The following ABHD17A variants were observed in gnomAD, a reference collection of about 807,000 sequenced individuals.
ABHD17A encodes alpha/beta hydrolase domain-containing protein 17A.
ABHD17A carries 10 observed loss-of-function variants against 26.8 expected under a neutral mutation model. The observed-to-expected ratio is 0.37, with a 90% CI of 0.23 to 0.63. ABHD17A has a LOEUF of 0.63. ABHD17A is among the 30% of genes least tolerant of loss of function. The pLI is 0.61. For missense variants in ABHD17A, 292 were observed against 457.3 expected (o/e 0.64, Z 3.30); for synonymous variants, 167 against 210.9 (o/e 0.79, Z 1.80).
intron 2 of ABHD17A, 160 bp downstream of exon 2, chr19:1,881,075 G>A (rs764136761): frequency 3.1e-5 from 50 of 1,590,786 alleles, no homozygotes; most frequent in Middle Eastern, 1.7e-4. Context: ...CCAGAGGGAC[G>A]AGGCCGGCCT....
Position 1,876,867 on chromosome 19 carries a change from C to T in ABHD17A, c.*333G>A. 2.8e-6 allele frequency: 1 copy of T among 361,050 alleles called. No homozygotes were observed. Among genetic ancestry groups the T allele is most frequent in the Non-Finnish European group, 5.1e-6 (1 of 195,938 alleles). The allele number at this position is 361,050 out of a possible 1,614,324, so 22.4% of individuals were successfully genotyped here. A position where few individuals can be genotyped will look rare whatever the true frequency, so the allele number is the denominator to read the frequency against. ...GTAAAACCTATAAGGGGGTCCGTGC[C>T]GATCTCTCCTAGGGACTCAGGGACG... On this transcript the variant is annotated 3_prime_UTR_variant, in exon 5 of 5. Transcript: ENST00000292577.
At chr19:1,882,615 G>A (rs1163341011) in intron 1 of ABHD17A, 2 of 152,212 alleles carry the variant, frequency 1.3e-5, no homozygotes, top group Admixed American at 6.5e-5. Flanking sequence ...GGGGGGAGGG[G>A]AACGAAGGTG....
Position 1,877,274 on chromosome 19 carries a change from T to A in ABHD17A, c.859A>T (p.Ile287Phe). ...LWVEGAGHND[I>F]ELYSQYLERL... ...TCCAGGTACTGGCTGTAGAGCTCGA[T>A]GTCGTTGTGCCCGGCGCCCTCCACC... Residue 287 changes from isoleucine (I) to phenylalanine (F), a missense_variant, in exon 5 of 5, where the codon ATC (isoleucine) becomes TTC (phenylalanine). Physicochemically the swap from Ile to Phe is conservative, Grantham distance 21. Around this residue, in one of 4 missense-constraint regions of ABHD17A, gnomAD observed 88 missense variants for 134.3 expected, o/e 0.66. Coordinates refer to ENST00000292577, the MANE Select transcript of ABHD17A (RefSeq NM_001130111.2). 3 of 1,540,510 alleles carry A rather than the reference T, an allele frequency of 1.9e-6. No individual in the cohort carries two copies. The highest frequency in any genetic ancestry group is 2.6e-6 in the Non-Finnish European group (3 of 1,148,082).
At chr19:1,882,855 C>T (rs2012580413) in intron 1 of ABHD17A, 1 of 151,968 alleles carries the variant, frequency 6.6e-6, no homozygotes, top group South Asian at 2.1e-4. Flanking sequence ...AGCAGAACAC[C>T]CTGGAATGCT....
Position 1,877,312 on chromosome 19 carries a change from A to G in ABHD17A, c.821T>C (p.Val274Ala). 6.5e-7 allele frequency: 1 copy of G among 1,531,750 alleles called. No individual in the cohort carries two copies. The highest frequency in any genetic ancestry group is 8.7e-7 in the Non-Finnish European group (1 of 1,144,460). The allele number at this position is 1,531,750 out of a possible 1,614,324, so 94.9% of individuals were successfully genotyped here. Residue 274 changes from valine (V) to alanine (A), a missense_variant, in exon 5 of 5, where the codon GTG becomes GCG. Physicochemically the swap from Val to Ala is moderately conservative, Grantham distance 64. This residue lies in a region of ABHD17A where 88 missense variants were observed against 134.3 expected (regional missense o/e 0.66). Coordinates refer to ENST00000292577, the MANE Select transcript of ABHD17A (RefSeq NM_001130111.2). ...LALYERCPKA[V>A]EPLWVEGAGH... ...GGCGCCCTCCACCCACAGCGGCTCC[A>G]CCGCCTTGGGGCAGCGCTCGTAGAG...
At chr19:1,883,472 T>G (rs2012595967) in intron 1 of ABHD17A, 1 of 152,274 alleles carries the variant, frequency 6.6e-6, no homozygotes, top group South Asian at 2.1e-4. Context: ...TGGAGGGCCC[T>G]GCAGTTTAGG....
chr19:1,881,183 G>T, intron 2 of ABHD17A, 52 bp downstream of exon 2: 1 of 1,603,768 alleles, frequency 6.2e-7, no homozygotes, highest in South Asian at 1.1e-5. Context: ...AGGCAGAAAC[G>T]GGAGCCCCAA....
chr19:1,884,890 G>A (rs1002990187), intron 1 of ABHD17A, among the ~76,000 whole-genome samples: 9 of 152,206 alleles, frequency 5.9e-5, no homozygotes, highest in Admixed American at 5.2e-4. Flanking sequence ...GAGAACGGAC[G>A]CGAGCGGAGG....
At position 1,879,479 on chromosome 19, in the gene ABHD17A, C is replaced by T. The variant is rs945306143; in HGVS notation, c.527+442G>A. 2.5e-4 allele frequency: 61 copies of T among 247,794 alleles called. No homozygotes were observed. Among genetic ancestry groups the T allele is most frequent in the East Asian group, 8.2e-4 (7 of 8,582 alleles). The allele number at this position is 247,794 out of a possible 1,614,324, so 15.3% of individuals were successfully genotyped here. On this transcript the variant is annotated intron_variant, in intron 3 of 4. Coordinates refer to ENST00000292577, the MANE Select transcript of ABHD17A (RefSeq NM_001130111.2). The surrounding 1 kb of genome is among the most constrained non-coding windows in gnomAD (Gnocchi z 7.6). ...GCCCTGCCCCAGGATGGCCAAGCTC[C>T]GCAGCCACAGGGCCTCATGGGCCAG...
At position 1,879,408 on chromosome 19, in the gene ABHD17A, G is replaced by C. The variant is rs1479788053; in HGVS notation, c.527+513C>G. ...AGGGCTGGATCTGGAATCGAGGCTG[G>C]CCCAGACCTCGGATGTGTGCTGCGG... is the stretch of plus-strand genomic sequence containing the variant. On this transcript the variant is annotated intron_variant, in intron 3 of 4. Coordinates refer to ENST00000292577, the MANE Select transcript of ABHD17A (RefSeq NM_001130111.2). The surrounding 1 kb of genome is among the most constrained non-coding windows in gnomAD (Gnocchi z 7.6). 2.9e-5 allele frequency: 5 copies of C among 171,798 alleles called. No homozygotes were observed. The highest frequency in any genetic ancestry group is 6.3e-5 in the Non-Finnish European group (5 of 79,714). The allele number at this position is 171,798 out of a possible 1,614,324, so 10.6% of individuals were successfully genotyped here.
chr19:1,880,149 C>G lies in ABHD17A; in HGVS notation c.333-34G>C. The G allele has an allele frequency of 3.1e-6, 5 of 1,608,294 alleles. No individual in the cohort carries two copies. Among genetic ancestry groups the G allele is most frequent in the Non-Finnish European group, 4.2e-6 (5 of 1,177,490 alleles). On this transcript the variant is annotated intron_variant, in intron 2 of 4. Transcript: ENST00000292577. This position sits in a 1 kb window ranked among gnomAD's most constrained non-coding sequence, Gnocchi z 4.1. Reference sequence around the variant, plus strand: ...GGCCGAGAAGGGCCGTTCACATCCTCGCTCCCAGCGCCCAGCTGCAGGGCA... The same window carrying G: ...GGCCGAGAAGGGCCGTTCACATCCTGGCTCCCAGCGCCCAGCTGCAGGGCA...
rs1334466414 is a variant in ABHD17A, at chr19:1,877,612, C to T, written c.603G>A (p.Ser201=). ...IGTVPTVDLA[S]RYECAAVVLH... ...GCACCACCGCGGCACACTCGTAGCGCGAGGCCAGGTCCACGGTGGGCACCG... is the reference window on the plus strand; with the variant it reads ...GCACCACCGCGGCACACTCGTAGCGTGAGGCCAGGTCCACGGTGGGCACCG... The change falls in exon 4 of 5, where the codon TCG becomes TCA. Residue 201 remains serine, a synonymous_variant. Coordinates refer to ENST00000292577, the MANE Select transcript of ABHD17A (RefSeq NM_001130111.2). 6.3e-7 allele frequency: 1 copy of T among 1,593,122 alleles called. No homozygotes were observed. The highest frequency in any genetic ancestry group is 2.2e-5 in the East Asian group (1 of 44,744).
Position 1,879,678 on chromosome 19 carries a change from T to C in ABHD17A, c.527+243A>G, listed in dbSNP as rs1215706199. 1.2e-5 allele frequency: 7 copies of C among 560,446 alleles called. No individual in the cohort carries two copies. Among genetic ancestry groups the C allele is most frequent in the Non-Finnish European group, 2.2e-5 (7 of 311,330 alleles). 34.7% of individuals were successfully genotyped at this position (560,446 alleles called of 1,614,324 possible). A position where few individuals can be genotyped will look rare whatever the true frequency, so the allele number is the denominator to read the frequency against. ...CCCCTTCCCATCCTCAGGCCAGGGG[T>C]TCCCAGGGAACCTGGCTCCACAGGC... On this transcript the variant is annotated intron_variant, in intron 3 of 4. Coordinates refer to ENST00000292577, the MANE Select transcript of ABHD17A (RefSeq NM_001130111.2). This position sits in a 1 kb window ranked among gnomAD's most constrained non-coding sequence, Gnocchi z 7.6.
chr19:1,884,549 T>C (rs1314297040), intron 1 of ABHD17A, among the ~76,000 whole-genome samples: 2 of 151,900 alleles, frequency 1.3e-5, no homozygotes, highest in African/African-American at 4.8e-5. Context: ...ATGACCTACA[T>C]ATGGGAGACG....
intron 1 of ABHD17A, chr19:1,883,835 T>C (rs1028029210): frequency 1.3e-5 from 2 of 152,552 alleles, no homozygotes; most frequent in African/African-American, 4.8e-5. Context: ...TCTTGGGGTG[T>C]CCTGGGGGCC....
chr19:1,878,969 G>A (rs548719854), intron 3 of ABHD17A: 1 of 152,420 alleles, frequency 6.6e-6, no homozygotes, highest in East Asian at 1.9e-4. Flanking sequence ...GGCCATGGCA[G>A]GTGTGACTCT....
rs1599212987 is a variant in ABHD17A at position 1,885,466 on chromosome 19, G to C, written c.-353C>G. On this transcript the variant is annotated 5_prime_UTR_variant, in exon 1 of 5. Coordinates refer to ENST00000292577, the MANE Select transcript of ABHD17A (RefSeq NM_001130111.2). ...CCCGGCCTCCTGCACCGCCACCGCCGCAGCTCCCCCCACGGACGGAAGTGA... is the reference window on the plus strand; with the variant it reads ...CCCGGCCTCCTGCACCGCCACCGCCCCAGCTCCCCCCACGGACGGAAGTGA... The C allele has an allele frequency of 6.6e-6, 1 of 152,396 alleles. No individual in the cohort carries two copies. The allele number at this position is 152,396 out of a possible 1,614,324, so 9.4% of individuals were successfully genotyped here.
At chr19:1,881,086 G>C in intron 2 of ABHD17A, 149 bp downstream of exon 2, 1 of 1,581,284 alleles carries the variant, frequency 6.3e-7, no homozygotes, top group Non-Finnish European at 8.6e-7. Context: ...AGGCCGGCCT[G>C]ACGGGGGATA....
Sources: allele counts gnomAD v4.1 joint callset (sites outside exome capture counted in the v4.1 genomes callset), GRCh38; gene constraint gnomAD v4.1.1; regional missense constraint gnomAD v4.1.1; non-coding constraint Gnocchi (gnomAD v3.1); transcripts MANE v1.5; gene names NCBI Gene and HGNC (gene_info 2026-07-23, HGNC 2026-07-21).